Variants in FARP2 observed in about 807,000 individuals in gnomAD.
The protein encoded by FARP2 is FERM, ARH/RhoGEF and pleckstrin domain protein 2, also known as FERM, ARHGEF and pleckstrin domain-containing protein 2.
A neutral mutation model predicts 130.5 loss-of-function variants in FARP2; 111 were observed. The ratio of observed to expected loss-of-function variants is 0.85; its 90% CI spans 0.73 to 1.00. The LOEUF (loss-of-function observed/expected upper bound fraction) is 1.00, where lower values mean the gene tolerates loss of function less well. Ranked by LOEUF, FARP2 falls within the 50% of genes least tolerant of loss-of-function variation. FARP2 has a pLI of 0.00. For missense variants in FARP2, 1,385 were observed against 1,346.3 expected, an observed-to-expected ratio of 1.03 and a Z score of -0.45; for synonymous variants, 504 against 516.9, an observed-to-expected ratio of 0.98 and a Z score of 0.34.
chr2:241,390,494 C>T (rs1408868748), intron 2 of FARP2, among the ~76,000 whole-genome samples: 2 of 152,166 alleles, frequency 1.3e-5, no homozygotes, highest in African/African-American at 2.4e-5. Context: ...TTTTTCCACA[C>T]CACTGATTCC....
chr2:241,448,561 A>G (rs973008828), intron 13 of FARP2, among the ~76,000 whole-genome samples: 1 of 152,234 alleles, frequency 6.6e-6, no homozygotes, highest in African/African-American at 2.4e-5. Flanking sequence ...ATGTATTAGA[A>G]CAAAAACATA....
chr2:241,407,959 T>C (rs2062406675), intron 5 of FARP2, among the ~76,000 whole-genome samples: 1 of 152,220 alleles, frequency 6.6e-6, no homozygotes, highest in South Asian at 2.1e-4. Flanking sequence ...CAATAAAATA[T>C]ACTTAATTGG....
Position 241,462,615 on chromosome 2 carries a change from A to C in FARP2, c.1677+3A>C. On this transcript the variant is annotated splice_donor_region_variant and intron_variant, in intron 15 of 26. Transcript: ENST00000264042. ...AGGATTTAGAAGTTATTACCGTGGT[A>C]CGAAAGTCCTTGATTACTTTGATTT... 6.3e-7 allele frequency: 1 copy of C among 1,579,414 alleles called. No homozygotes were observed. The highest frequency in any genetic ancestry group is 8.7e-7 in the Non-Finnish European group (1 of 1,148,560).
intron 2 of FARP2, among the ~76,000 whole-genome samples, chr2:241,380,225 A>G (rs1385357546): frequency 6.6e-6 from 1 of 152,210 alleles, no homozygotes; most frequent in East Asian, 1.9e-4. Flanking sequence ...GGTTGTGGGA[A>G]TGAAACTTGC....
intron 19 of FARP2, chr2:241,478,574 C>T: frequency 2.0e-6 from 1 of 488,084 alleles, no homozygotes; most frequent in Admixed American, 2.1e-5. Flanking sequence ...GGACAGAGAC[C>T]CCACCTATTT....
chr2:241,403,723 CAA>C (rs2062255652), intron 2 of FARP2, 103 bp from the exon 3 acceptor site: 4 of 607,688 alleles, frequency 6.6e-6, no homozygotes, highest in Admixed American at 2.9e-5. Context: ...CACTGGAAGA[CAA>C]AGTGATTTTA....
chr2:241,453,577 G>A (rs192079997), intron 13 of FARP2, among the ~76,000 whole-genome samples: 34 of 151,344 alleles, frequency 2.2e-4, no homozygotes, highest in East Asian at 7.9e-4. Flanking sequence ...AGCCGAGATC[G>A]TGTCACTGCA....
At position 241,463,557 on chromosome 2, in the gene FARP2, C is replaced by T. The variant is rs1255552277; in HGVS notation, c.1811+89C>T. 2.0e-6 allele frequency: 3 copies of T among 1,463,630 alleles called. No individual in the cohort carries two copies. In the African/African-American group the frequency reaches 4.2e-5, roughly 21 times the overall value. The allele number at this position is 1,463,630 out of a possible 1,614,324, so 90.7% of individuals were successfully genotyped here. ...AACTTCCCAGCTTCAGAAACTAATT[C>T]AGAAGAGCCATTTTTTCACTGGAGC... On this transcript the variant is annotated intron_variant, in intron 16 of 26. Transcript: ENST00000264042.
chr2:241,370,884 G>T (rs2061409307), intron 1 of FARP2, among the ~76,000 whole-genome samples: 1 of 152,174 alleles, frequency 6.6e-6, no homozygotes, highest in African/African-American at 2.4e-5. Flanking sequence ...ATCCAGCATG[G>T]AGAAAGACAG....
intron 13 of FARP2, chr2:241,441,777 G>A (rs2063391528): frequency 1.5e-6 from 1 of 645,348 alleles, no homozygotes; most frequent in Non-Finnish European, 2.8e-6. Flanking sequence ...CTTTCACATT[G>A]ACAAATGCCC....
At chr2:241,439,034 CT>C (rs879576168) in intron 12 of FARP2, among the ~76,000 whole-genome samples, 4 of 149,758 alleles carry the variant, frequency 2.7e-5, no homozygotes, top group South Asian at 2.1e-4. Context: ...ATTTTTTTTT[CT>C]TTTTTTTTGG....
intron 12 of FARP2, among the ~76,000 whole-genome samples, chr2:241,437,184 C>T (rs928794620): frequency 2.0e-5 from 3 of 152,206 alleles, no homozygotes; most frequent in African/African-American, 7.2e-5. Context: ...GAAATTCTTG[C>T]TGTTATGTTA....
At chr2:241,493,805 C>G (rs993418553) in intron 26 of FARP2, 9 of 507,124 alleles carry the variant, frequency 1.8e-5, no homozygotes, top group Admixed American at 3.4e-5. Context: ...CCATGTTGGC[C>G]AGGCTGGTCT....
rs111729699 is a variant in FARP2 at position 241,455,407 on chromosome 2, TCTCA to T, written c.1412-1336_1412-1333del. On this transcript the variant is annotated intron_variant, in intron 13 of 26. Coordinates refer to ENST00000264042, the MANE Select transcript of FARP2 (RefSeq NM_014808.4). ...TAGTTTTGTTTGTTTTGAGATGGAG[TCTCA>T]CTCTTGTTGCCCAGGCTGGAGGGCA... 2.0e-3 allele frequency among the ~76,000 whole-genome samples: 297 copies of T among 152,266 alleles called. 2 individuals are homozygous for T. Among genetic ancestry groups the T allele is most frequent in the African/African-American group, 6.4e-3 (267 of 41,542 alleles).
chr2:241,385,055 T>A (rs1046126280), intron 2 of FARP2, among the ~76,000 whole-genome samples: 1 of 152,210 alleles, frequency 6.6e-6, no homozygotes, highest in African/African-American at 2.4e-5. Flanking sequence ...ATTAGACTTG[T>A]TAGCTTAACA....
chr2:241,389,111 T>A (rs1252449876), intron 2 of FARP2, among the ~76,000 whole-genome samples: 1 of 152,028 alleles, frequency 6.6e-6, no homozygotes, highest in Non-Finnish European at 1.5e-5. Context: ...TAAAGCCTCA[T>A]CTCTACTAAA....
At chr2:241,492,756 A>G (rs1354065950) in intron 24 of FARP2, 173 bp from the exon 25 acceptor site, 12 of 564,172 alleles carry the variant, frequency 2.1e-5, no homozygotes, top group East Asian at 1.7e-4. Flanking sequence ...GGTTTTTAAC[A>G]TGCTTCTGTT....
At chr2:241,470,166 T>C (rs1431857124) in intron 18 of FARP2, among the ~76,000 whole-genome samples, 1 of 152,244 alleles carries the variant, frequency 6.6e-6, no homozygotes, top group Non-Finnish European at 1.5e-5. Flanking sequence ...CCTGAGAACT[T>C]GAATAGAATT....
At chr2:241,362,429 C>T (rs145534125) in intron 1 of FARP2, among the ~76,000 whole-genome samples, 4,029 of 151,826 alleles carry the variant, frequency 0.027, 112 homozygotes, top group African/African-American at 0.07. Flanking sequence ...TGGTGAAACC[C>T]CATCTCACTA....
Sources: gnomAD v4.1 joint callset for allele counts (sites outside exome capture counted in the v4.1 genomes callset) on GRCh38, gnomAD v4.1.1 for gene constraint, MANE v1.5 for transcripts, NCBI Gene and HGNC (gene_info 2026-07-23, HGNC 2026-07-21) for gene names.